MCPH1: variants seen among roughly 807,000 people sequenced by gnomAD.
MCPH1 encodes microcephalin 1.
MCPH1 carries 104 observed loss-of-function variants against 84.5 expected under a neutral mutation model. The observed-to-expected ratio is 1.23, with a 90% confidence interval of 1.05 to 1.45. The LOEUF (loss-of-function observed/expected upper bound fraction) is 1.45, where lower values mean the gene tolerates loss of function less well. Among genes scored for constraint, MCPH1 ranks in the 40% most tolerant of loss-of-function variants. MCPH1 has a pLI of 0.00. For missense variants in MCPH1, 1,498 were observed against 1,005.7 expected, an observed-to-expected ratio of 1.49 and a Z score of -6.62; for synonymous variants, 514 against 366.8, an observed-to-expected ratio of 1.40 and a Z score of -4.58.
At chr8:6,528,817 C>A (rs141137144) in intron 12 of MCPH1, among the ~76,000 whole-genome samples, 3 of 152,192 alleles carry the variant, frequency 2.0e-5, no homozygotes, top group Non-Finnish European at 4.4e-5. Context: ...TTGCAGGAGC[C>A]TTGGCTGGTC....
At chr8:6,557,792 G>A (rs1266022293) in intron 12 of MCPH1, among the ~76,000 whole-genome samples, 2 of 151,920 alleles carry the variant, frequency 1.3e-5, no homozygotes, top group Admixed American at 6.6e-5. Context: ...TGGAAATTGT[G>A]AACAGCTAAT....
chr8:6,589,841 T>C (rs1247245712), intron 12 of MCPH1, among the ~76,000 whole-genome samples: 1 of 152,186 alleles, frequency 6.6e-6, no homozygotes, highest in Non-Finnish European at 1.5e-5. Context: ...ATAAAATTGA[T>C]GAGATGCGAA....
chr8:6,421,992 C>G (rs1365705069), intron 3 of MCPH1, among the ~76,000 whole-genome samples: 1 of 152,244 alleles, frequency 6.6e-6, no homozygotes, highest in Non-Finnish European at 1.5e-5. Context: ...TGCAAGGTCG[C>G]TTTATCAGAA....
Position 6,444,941 on chromosome 8 carries a change from T to G in MCPH1, c.1219T>G (p.Cys407Gly). 2 of 1,614,178 alleles carry G rather than the reference T, an allele frequency of 1.2e-6. No homozygotes were observed. Among genetic ancestry groups the G allele is most frequent in the Non-Finnish European group, 1.7e-6 (2 of 1,180,024 alleles). ...GGGACCTGCCCTGGAGGCTCTTAGC[T>G]GTGGGGAGTCTTCATATGATGACTA... is the stretch of plus-strand genomic sequence containing the variant. ...VAGPALEALSCGESSYDDYFS... is the reference protein window; with the variant it reads ...VAGPALEALSGGESSYDDYFS... The change falls in exon 8 of 14, where the codon TGT (cysteine) becomes GGT (glycine). Residue 407 changes from cysteine (C) to glycine (G), a missense_variant. Physicochemically the swap from Cys to Gly is radical, Grantham distance 159 (BLOSUM62 -3). Coordinates refer to ENST00000344683, the MANE Select transcript of MCPH1 (RefSeq NM_024596.5).
At chr8:6,641,419 T>C (rs1301556975) in intron 13 of MCPH1, among the ~76,000 whole-genome samples, 4 of 152,160 alleles carry the variant, frequency 2.6e-5, no homozygotes, top group African/African-American at 7.2e-5. Flanking sequence ...ACATAAGAAA[T>C]TGAAACTTAT....
chr8:6,502,525 C>T (rs1812394259), intron 12 of MCPH1: 1 of 152,142 alleles, frequency 6.6e-6, no homozygotes, highest in South Asian at 2.1e-4. Flanking sequence ...AAATTTAAAG[C>T]ACCTAAGAGA....
intron 3 of MCPH1, among the ~76,000 whole-genome samples, chr8:6,423,820 A>ACTGG (rs1800637429): frequency 2.0e-5 from 3 of 152,216 alleles, no homozygotes; most frequent in African/African-American, 7.2e-5. Flanking sequence ...ATTATCAAAA[A>ACTGG]AATGCATGTT....
chr8:6,597,120 T>G (rs1013633650), intron 12 of MCPH1, among the ~76,000 whole-genome samples: 2 of 152,194 alleles, frequency 1.3e-5, no homozygotes, highest in East Asian at 3.9e-4. Context: ...GCACTTCTTG[T>G]ACCTTATCTA....
chr8:6,476,223 G>C (rs1395898492), intron 9 of MCPH1, among the ~76,000 whole-genome samples: 1 of 152,066 alleles, frequency 6.6e-6, no homozygotes, highest in African/African-American at 2.4e-5. Context: ...GAGGTCAGGA[G>C]TTGGAGACCA....
chr8:6,463,547 G>GC (rs759371635), intron 9 of MCPH1, among the ~76,000 whole-genome samples: 45 of 152,286 alleles, frequency 3.0e-4, no homozygotes, highest in Admixed American at 1.7e-3. Context: ...AAGGAGCCTT[G>GC]CAGTGGAAAG....
chr8:6,579,439 T>A (rs1365901541), intron 12 of MCPH1, among the ~76,000 whole-genome samples: 1 of 152,226 alleles, frequency 6.6e-6, no homozygotes, highest in Non-Finnish European at 1.5e-5. Context: ...TATGTCCTTG[T>A]GTTGGCAGAG....
At chr8:6,487,367 T>A (rs1173551739) in intron 11 of MCPH1, among the ~76,000 whole-genome samples, 9 of 152,180 alleles carry the variant, frequency 5.9e-5, no homozygotes, top group African/African-American at 2.2e-4. Context: ...ACTGTTAGAA[T>A]AACACACTCA....
At position 6,643,112 on chromosome 8, in the gene MCPH1, A is replaced by T; in HGVS notation, c.*63A>T. The T allele has an allele frequency of 7.2e-7, 1 of 1,388,406 alleles. No homozygotes were observed. Among genetic ancestry groups the T allele is most frequent in the Non-Finnish European group, 1.0e-6 (1 of 976,694 alleles). 86.0% of individuals were successfully genotyped at this position (1,388,406 alleles called of 1,614,324 possible). A position where few individuals can be genotyped will look rare whatever the true frequency, so the allele number is the denominator to read the frequency against. On this transcript the variant is annotated 3_prime_UTR_variant, in exon 14 of 14. Transcript: ENST00000344683. ...CGCAAAACTGTCTTTGGATGTTCAA[A>T]TGAGAAACAAAACTGTGAAGAGAAG...
chr8:6,505,263 T>TATATATGTGTATACATATATGTTATATAC lies in MCPH1; in HGVS notation c.2214+5340_2214+5341insGTGTATACATATATGTTATATACATATAT, dbSNP rs1563305323. Among the ~76,000 whole-genome samples, 44 of 78,026 alleles carry TATATATGTGTATACATATATGTTATATAC rather than the reference T, an allele frequency of 5.6e-4. 7 individuals carry two copies. The highest frequency in any genetic ancestry group is 2.0e-3 in the African/African-American group (44 of 21,704). 51.2% of individuals were successfully genotyped at this position (78,026 alleles called of 152,430 possible). On this transcript the variant is annotated intron_variant, in intron 12 of 13. Coordinates refer to ENST00000344683, the MANE Select transcript of MCPH1 (RefSeq NM_024596.5). Reference sequence around the variant, plus strand: ...GAATATATATTCTTTATATATGTTTTATATATATGTATACATATATATGTT... The same window carrying TATATATGTGTATACATATATGTTATATAC: ...GAATATATATTCTTTATATATGTTTTATATATGTGTATACATATATGTTATATACATATATATGTATACATATATATGTT...
At chr8:6,620,675 T>G (rs1327057532) in intron 12 of MCPH1, among the ~76,000 whole-genome samples, 3 of 152,152 alleles carry the variant, frequency 2.0e-5, no homozygotes, top group African/African-American at 7.2e-5. Context: ...ACATAACCCA[T>G]AGCATCTCGC....
chr8:6,431,297 A>G (rs542328362), intron 3 of MCPH1, among the ~76,000 whole-genome samples: 1 of 152,260 alleles, frequency 6.6e-6, no homozygotes, highest in South Asian at 2.1e-4. Context: ...CTTCTGTTAT[A>G]CTTAAATACC....
chr8:6,608,753 C>G (rs990693294), intron 12 of MCPH1, among the ~76,000 whole-genome samples: 8 of 152,332 alleles, frequency 5.3e-5, no homozygotes, highest in African/African-American at 4.8e-5. Context: ...CCCCGGGTGA[C>G]TGCCCTAGCA....
At chr8:6,484,234 A>G (rs541846221) in intron 11 of MCPH1, among the ~76,000 whole-genome samples, 70 of 152,374 alleles carry the variant, frequency 4.6e-4, no homozygotes, top group Admixed American at 1.5e-3. Flanking sequence ...AGCTCAAACA[A>G]AAAATGGCAA....
intron 12 of MCPH1, 192 bp from the exon 13 acceptor site, chr8:6,621,262 A>T (rs913257614): frequency 2.9e-6 from 2 of 690,918 alleles, no homozygotes; most frequent in Admixed American, 2.7e-5. Context: ...GCTACTTCAG[A>T]AAACGTCAGT....
Sources: gnomAD v4.1 joint callset for allele counts (sites outside exome capture counted in the v4.1 genomes callset) on GRCh38, gnomAD v4.1.1 for gene constraint, MANE v1.5 for transcripts, NCBI Gene and HGNC (gene_info 2026-07-23, HGNC 2026-07-21) for gene names.